Variants in USP32 observed in about 807,000 individuals in gnomAD.
USP32 encodes ubiquitin specific peptidase 32, also known as ubiquitin carboxyl-terminal hydrolase 32.
In USP32, 59 loss-of-function variants were observed where a neutral mutation model predicts 204.8. The observed-to-expected ratio is 0.29, with a 90% CI of 0.23 to 0.36. The LOEUF (loss-of-function observed/expected upper bound fraction) is 0.36, where lower values mean the gene tolerates loss of function less well. USP32 is among the 10% of genes least tolerant of loss of function. The pLI is 1.00. For missense variants in USP32, 1,160 were observed against 1,946.4 expected (o/e 0.60, Z 7.60); for synonymous variants, 517 against 678.4 (o/e 0.76, Z 3.70).
chr17:60,201,189 A>G (rs2084666380), intron 26 of USP32, among the ~76,000 whole-genome samples: 1 of 152,146 alleles, frequency 6.6e-6, no homozygotes, highest in Admixed American at 6.6e-5. Flanking sequence ...CTTTCCATCA[A>G]CATTAGGTTT....
chr17:60,334,496 A>C (rs1348907089), intron 2 of USP32, among the ~76,000 whole-genome samples: 2 of 152,036 alleles, frequency 1.3e-5, no homozygotes, highest in Non-Finnish European at 1.5e-5. Context: ...TCATTGAAAA[A>C]AATCTGTGTA....
chr17:60,316,827 C>G (rs746566118), intron 2 of USP32, among the ~76,000 whole-genome samples: 1 of 151,524 alleles, frequency 6.6e-6, no homozygotes, highest in Non-Finnish European at 1.5e-5. Context: ...GGCAAAAGAG[C>G]GAGACTTTGA....
chr17:60,421,598 G>C, intron 1 of USP32: 1 of 983,160 alleles, frequency 1.0e-6, no homozygotes, highest in Non-Finnish European at 1.2e-6. Flanking sequence ...AACTGCGGGG[G>C]CAACGGTCTC....
intron 12 of USP32, among the ~76,000 whole-genome samples, chr17:60,232,297 C>T (rs2085583440): frequency 6.6e-6 from 1 of 150,526 alleles, no homozygotes; most frequent in African/African-American, 2.4e-5. Flanking sequence ...CTCAGCCTCC[C>T]AAGTAGCTGG....
rs142807683 is a variant in USP32 at position 60,297,357 on chromosome 17, C to T, written c.293-2556G>A. ...AAGGCTGCAGTGAGCTATCTTGCCA[C>T]TGTACTGCAGACTGGGAGACAGAAT... On this transcript the variant is annotated intron_variant, in intron 3 of 33. Coordinates refer to ENST00000300896, the MANE Select transcript of USP32 (RefSeq NM_032582.4). Among the ~76,000 whole-genome samples the T allele has an allele frequency of 1.7e-3, 260 of 152,246 alleles. 2 individuals carry two copies. Among genetic ancestry groups the T allele is most frequent in the Middle Eastern group, 6.9e-3 (2 of 290 alleles).
Position 60,228,495 on chromosome 17 carries a change from CT to C in USP32, c.1240-2265del, listed in dbSNP as rs796712684. On this transcript the variant is annotated intron_variant, in intron 12 of 33. Transcript: ENST00000300896. Reference sequence around the variant, plus strand: ...GACATTTAAATTAGGTTTCTTTTTTCTTTTTCTTTTTTTTTTTTTTTTTAAT... The same window carrying C: ...GACATTTAAATTAGGTTTCTTTTTTCTTTTCTTTTTTTTTTTTTTTTTAAT... Among the ~76,000 whole-genome samples, 207 of 135,788 alleles carry C rather than the reference CT, an allele frequency of 1.5e-3. 2 individuals are homozygous for C. The highest frequency in any genetic ancestry group is 6.1e-3 in the African/African-American group (194 of 32,026). The allele number at this position is 135,788 out of a possible 152,430, so 89.1% of individuals were successfully genotyped here.
chr17:60,217,587 A>C (rs1015957442), intron 16 of USP32, among the ~76,000 whole-genome samples: 1 of 151,844 alleles, frequency 6.6e-6, no homozygotes, highest in Non-Finnish European at 1.5e-5. Flanking sequence ...GAGTCACTGC[A>C]CCTGGCCTCA....
At chr17:60,381,862 T>C (rs1335274956) in intron 1 of USP32, among the ~76,000 whole-genome samples, 1 of 152,216 alleles carries the variant, frequency 6.6e-6, no homozygotes, top group Non-Finnish European at 1.5e-5. Context: ...CAGTAGGCTC[T>C]CTCCTGTTCT....
chr17:60,194,033 C>T (rs893998797), intron 27 of USP32, among the ~76,000 whole-genome samples: 6 of 151,980 alleles, frequency 3.9e-5, no homozygotes, highest in Non-Finnish European at 7.4e-5. Flanking sequence ...TCCTGCTCCC[C>T]CTGCAGACTT....
chr17:60,235,585 TTGGCTCTC>T (rs1178944754), intron 12 of USP32, among the ~76,000 whole-genome samples: 24 of 152,246 alleles, frequency 1.6e-4, no homozygotes, highest in African/African-American at 5.8e-4. Context: ...TATATATCAG[TTGGCTCTC>T]CAAGAAGGCA....
chr17:60,181,367 T>A lies in USP32; in HGVS notation c.4505A>T (p.Glu1502Val). Reference sequence around the variant, plus strand: ...ATAAATAGGCTTAATACGAGTATCTTCTCTTTGGTCATCAGTGCTGTCTTC... The same window carrying A: ...ATAAATAGGCTTAATACGAGTATCTACTCTTTGGTCATCAGTGCTGTCTTC... ...SEEDSTDDQR[E>V]DTRIKPIYNL... Residue 1502 changes from glutamate (E) to valine (V), a missense_variant, in exon 32 of 34, where the codon GAA becomes GTA. Glu to Val is a moderately radical substitution (Grantham distance 121, BLOSUM62 -2). Around this residue, in one of 8 missense-constraint regions of USP32, gnomAD observed 244 missense variants for 342.3 expected, o/e 0.71. Transcript: ENST00000300896. 1.9e-6 allele frequency: 3 copies of A among 1,613,768 alleles called. No individual in the cohort carries two copies. Among genetic ancestry groups the A allele is most frequent in the Non-Finnish European group, 2.5e-6 (3 of 1,179,862 alleles).
At chr17:60,270,717 G>A (rs2086703647) in intron 6 of USP32, among the ~76,000 whole-genome samples, 2 of 151,826 alleles carry the variant, frequency 1.3e-5, no homozygotes, top group African/African-American at 2.4e-5. Flanking sequence ...CAGCTACTTG[G>A]GGCGCTGAGA....
intron 1 of USP32, among the ~76,000 whole-genome samples, chr17:60,383,437 A>G (rs1187430140): frequency 6.6e-6 from 1 of 152,172 alleles, no homozygotes; most frequent in East Asian, 1.9e-4. Flanking sequence ...ATATTTACTG[A>G]GCACTTAAAA....
chr17:60,266,460 A>G (rs895050730), intron 7 of USP32, among the ~76,000 whole-genome samples: 1 of 152,140 alleles, frequency 6.6e-6, no homozygotes, highest in African/African-American at 2.4e-5. Context: ...CTAATATTGA[A>G]AACTGATCAT....
chr17:60,354,426 G>A (rs911478942), intron 1 of USP32, among the ~76,000 whole-genome samples: 3 of 152,130 alleles, frequency 2.0e-5, no homozygotes, highest in Non-Finnish European at 4.4e-5. Flanking sequence ...TAACCACAGA[G>A]ATAAATAAAC....
Position 60,183,411 on chromosome 17 carries a change from T to C in USP32, c.3877A>G (p.Ile1293Val), listed in dbSNP as rs374016227. The change falls in exon 31 of 34, where the codon ATA becomes GTA. Residue 1293 changes from isoleucine to valine, a missense_variant. Physicochemically the swap from Ile to Val is conservative, Grantham distance 29. Around this residue, in one of 8 missense-constraint regions of USP32, gnomAD observed 160 missense variants for 322.5 expected, o/e 0.50. Transcript: ENST00000300896. ...KRFQFVNGRW[I>V]KSQKIVKFPR... The stretch of plus-strand genomic sequence containing the variant: ...AATTTGACAATTTTCTGTGATTTTA[T>C]CCACCGACCATTTACAAATTGAAAT... 1 of 1,612,830 alleles carries C rather than the reference T, an allele frequency of 6.2e-7. No homozygotes were observed. Among genetic ancestry groups the C allele is most frequent in the Non-Finnish European group, 8.5e-7 (1 of 1,179,196 alleles).
chr17:60,413,980 A>G (rs1454735188), intron 1 of USP32, among the ~76,000 whole-genome samples: 1 of 151,926 alleles, frequency 6.6e-6, no homozygotes, highest in Non-Finnish European at 1.5e-5. Context: ...GTTTGGGAAC[A>G]GTCCTCTGTT....
intron 2 of USP32, among the ~76,000 whole-genome samples, chr17:60,325,347 G>C (rs931718300): frequency 6.6e-6 from 1 of 152,132 alleles, no homozygotes; most frequent in Non-Finnish European, 1.5e-5. Context: ...GAACCTGGGA[G>C]GCAGAGGTTG....
chr17:60,354,988 G>A (rs965268631), intron 1 of USP32, among the ~76,000 whole-genome samples: 3 of 152,152 alleles, frequency 2.0e-5, no homozygotes, highest in African/African-American at 7.2e-5. Flanking sequence ...AAGTTGCAGT[G>A]AGCCGAGATA....
Sources: allele counts gnomAD v4.1 joint callset (sites outside exome capture counted in the v4.1 genomes callset), GRCh38; gene constraint gnomAD v4.1.1; regional missense constraint gnomAD v4.1.1; transcripts MANE v1.5; gene names NCBI Gene and HGNC (gene_info 2026-07-23, HGNC 2026-07-21).